Variants in HIRA observed in about 807,000 individuals in gnomAD.
HIRA encodes protein HIRA.
A neutral mutation model predicts 126.6 loss-of-function variants in HIRA; 13 were observed. The ratio of observed to expected loss-of-function variants is 0.10; its 90% CI spans 0.07 to 0.16. HIRA has a LOEUF of 0.16. HIRA is among the 10% of genes least tolerant of loss of function. HIRA has a pLI of 1.00. For synonymous variants in HIRA, 511 were observed against 520.0 expected, an observed-to-expected ratio of 0.98 and a Z score of 0.24; for missense variants, 834 against 1,314.4, an observed-to-expected ratio of 0.63 and a Z score of 5.65.
chr22:19,382,126 G>A (rs926404546), intron 13 of HIRA, among the ~76,000 whole-genome samples: 1 of 152,054 alleles, frequency 6.6e-6, no homozygotes, highest in African/African-American at 2.4e-5. Context: ...AGCTAATAAG[G>A]ACCTATCCTG....
Position 19,331,108 on chromosome 22 carries a change from C to A in HIRA, c.*332G>T. ...TGCTGAAGCAGCATGGTGCCTGCAG[C>A]AGCAGGGGCTAGTGTCCACCTTGGG... On this transcript the variant is annotated 3_prime_UTR_variant, in exon 25 of 25. Coordinates refer to ENST00000263208, the MANE Select transcript of HIRA (RefSeq NM_003325.4). The A allele has an allele frequency of 8.0e-7, 1 of 1,244,818 alleles. No homozygotes were observed. Among genetic ancestry groups the A allele is most frequent in the Admixed American group, 3.0e-5 (1 of 33,406 alleles). 77.1% of individuals were successfully genotyped at this position (1,244,818 alleles called of 1,614,324 possible).
chr22:19,422,885 A>G (rs1004791122), intron 1 of HIRA, among the ~76,000 whole-genome samples: 5 of 152,136 alleles, frequency 3.3e-5, no homozygotes, highest in African/African-American at 1.2e-4. Context: ...CCTTTCCAAA[A>G]GAGCCTATAT....
chr22:19,345,631 C>T (rs782253130), intron 24 of HIRA, among the ~76,000 whole-genome samples: 57 of 152,156 alleles, frequency 3.7e-4, no homozygotes, highest in Admixed American at 3.1e-3. Flanking sequence ...GAGCACACAA[C>T]CTAGATCTCT....
At chr22:19,343,234 T>C (rs2088650902) in intron 24 of HIRA, among the ~76,000 whole-genome samples, 1 of 152,076 alleles carries the variant, frequency 6.6e-6, no homozygotes, top group Non-Finnish European at 1.5e-5. Flanking sequence ...ATTATCAGCA[T>C]AGTCAGTGGG....
At chr22:19,424,035 C>T (rs980881502) in intron 1 of HIRA, among the ~76,000 whole-genome samples, 2 of 152,222 alleles carry the variant, frequency 1.3e-5, no homozygotes, top group Non-Finnish European at 2.9e-5. Flanking sequence ...ACACTGTTAG[C>T]TGCCCATCCA....
chr22:19,372,029 G>A (rs941923322), intron 15 of HIRA, among the ~76,000 whole-genome samples: 2 of 152,170 alleles, frequency 1.3e-5, no homozygotes, highest in African/African-American at 4.8e-5. Context: ...TTTACCATTT[G>A]AGGAACTTCC....
chr22:19,417,628 A>T (rs2089409998), intron 1 of HIRA, among the ~76,000 whole-genome samples: 1 of 152,256 alleles, frequency 6.6e-6, no homozygotes, highest in Non-Finnish European at 1.5e-5. Context: ...CTCAAAAAAA[A>T]TAAATAAATA....
chr22:19,431,487 C>CCGT lies in HIRA; in HGVS notation c.-12_-11insACG. On this transcript the variant is annotated 5_prime_UTR_variant, in exon 1 of 25. Coordinates refer to ENST00000263208, the MANE Select transcript of HIRA (RefSeq NM_003325.4). ...CTTCAGGAGCTTCATTGTTCGGCCG[C>CCGT]CGCCGCCGCCGGGCTGAGGCGAGCG... The CCGT allele has an allele frequency of 6.3e-7, 1 of 1,596,372 alleles. No individual in the cohort carries two copies. The highest frequency in any genetic ancestry group is 8.5e-7 in the Non-Finnish European group (1 of 1,172,360).
chr22:19,359,066 C>T (rs1556013532), intron 18 of HIRA, among the ~76,000 whole-genome samples: 1 of 152,196 alleles, frequency 6.6e-6, no homozygotes. Flanking sequence ...ACAAGGGAAT[C>T]AGGCCATCAG....
intron 24 of HIRA, among the ~76,000 whole-genome samples, chr22:19,344,764 A>G (rs782749679): frequency 6.6e-6 from 1 of 152,218 alleles, no homozygotes; most frequent in African/African-American, 2.4e-5. Context: ...TCCAAAGTAC[A>G]TTAAAAGAAT....
intron 1 of HIRA, among the ~76,000 whole-genome samples, chr22:19,428,383 G>A (rs923631479): frequency 6.6e-6 from 1 of 152,158 alleles, no homozygotes; most frequent in Non-Finnish European, 1.5e-5. Flanking sequence ...GGTGGGTAGA[G>A]GCCAAGGATA....
intron 1 of HIRA, among the ~76,000 whole-genome samples, chr22:19,424,779 G>C (rs2089476182): frequency 6.6e-6 from 1 of 152,174 alleles, no homozygotes; most frequent in South Asian, 2.1e-4. Context: ...TTCCATCTGT[G>C]AACTGTAATG....
intron 13 of HIRA, among the ~76,000 whole-genome samples, chr22:19,380,320 C>T (rs1249669800): frequency 6.6e-6 from 1 of 152,140 alleles, no homozygotes; most frequent in African/African-American, 2.4e-5. Context: ...GAGGCTGGGA[C>T]CCAACATTGT....
intron 15 of HIRA, among the ~76,000 whole-genome samples, chr22:19,363,243 A>C (rs1000316144): frequency 4.0e-5 from 6 of 151,614 alleles, no homozygotes; most frequent in African/African-American, 9.7e-5. Context: ...AAAAAAAAAA[A>C]CAAAAAAAAC....
rs759921596 is a variant in HIRA, at chr22:19,375,722, T to G, written c.1684A>C (p.Met562Leu). Residue 562 changes from methionine to leucine, a missense_variant, in exon 15 of 25, where the codon ATG becomes CTG. This residue lies in a region of HIRA where 468 missense variants were observed against 574.2 expected (regional missense o/e 0.82). Transcript: ENST00000263208. ...GTGAACCGGGAGTCAAACGCTTTCA[T>G]GGGTTCGATCTTGGACGGGGTCGTT... ...VLTTPSKIEP[M>L]KAFDSRFTER... 1 of 1,614,146 alleles carries G rather than the reference T, an allele frequency of 6.2e-7. No homozygotes were observed. Among genetic ancestry groups the G allele is most frequent in the South Asian group, 1.1e-5 (1 of 91,086 alleles).
Position 19,331,147 on chromosome 22 carries a change from C to T in HIRA, c.*293G>A, listed in dbSNP as rs1398915892. 17 of 1,338,140 alleles carry T rather than the reference C, an allele frequency of 1.3e-5. No individual in the cohort carries two copies. Among genetic ancestry groups the T allele is most frequent in the South Asian group, 6.3e-5 (5 of 79,558 alleles). The allele number at this position is 1,338,140 out of a possible 1,614,324, so 82.9% of individuals were successfully genotyped here. On this transcript the variant is annotated 3_prime_UTR_variant, in exon 25 of 25. Coordinates refer to ENST00000263208, the MANE Select transcript of HIRA (RefSeq NM_003325.4). Reference sequence around the variant, plus strand: ...GTCCACCTTGGGGCCGTGCTGGAGACGGCAGGCCTGGGACTGCCTTGCTGG... The same window carrying T: ...GTCCACCTTGGGGCCGTGCTGGAGATGGCAGGCCTGGGACTGCCTTGCTGG...
intron 8 of HIRA, among the ~76,000 whole-genome samples, chr22:19,392,464 C>T (rs999567890): frequency 2.0e-4 from 30 of 152,246 alleles, no homozygotes; most frequent in African/African-American, 7.2e-4. Flanking sequence ...GAAACTAGAG[C>T]TACCAAACTC....
intron 4 of HIRA, among the ~76,000 whole-genome samples, chr22:19,406,422 GA>G (rs2089308354): frequency 6.6e-6 from 1 of 152,200 alleles, no homozygotes; most frequent in South Asian, 2.1e-4. Context: ...CTGAGGCAGA[GA>G]AACCACGCGA....
intron 15 of HIRA, among the ~76,000 whole-genome samples, chr22:19,369,691 G>A (rs1601823466): frequency 6.6e-6 from 1 of 152,094 alleles, no homozygotes; most frequent in African/African-American, 2.4e-5. Context: ...CCCAACACTG[G>A]GAGGCCGAGG....
Sources: gnomAD v4.1 joint callset for allele counts (sites outside exome capture counted in the v4.1 genomes callset) on GRCh38, gnomAD v4.1.1 for gene constraint, gnomAD v4.1.1 regional missense constraint, MANE v1.5 for transcripts, NCBI Gene and HGNC (gene_info 2026-07-23, HGNC 2026-07-21) for gene names.